The following RERE variants were observed in gnomAD, a reference collection of about 807,000 sequenced individuals.
RERE encodes arginine-glutamic acid dipeptide repeats.
A neutral mutation model predicts 146.1 loss-of-function variants in RERE; 40 were observed. That is an observed-to-expected ratio of 0.27 (90% confidence interval 0.21 to 0.36). The LOEUF (loss-of-function observed/expected upper bound fraction) is 0.36, where lower values mean the gene tolerates loss of function less well. Among genes scored for constraint, RERE ranks in the 10% least tolerant of loss-of-function variants. The probability of loss-of-function intolerance (pLI) is 1.00; values close to 1 mark genes in which losing one functional copy is unlikely to be tolerated. For missense variants in RERE, 1,933 were observed against 2,138.7 expected, an observed-to-expected ratio of 0.90 and a Z score of 1.90; for synonymous variants, 1,003 against 866.0, an observed-to-expected ratio of 1.16 and a Z score of -2.78.
chr1:8,459,557 C>T (rs1030188239), intron 11 of RERE, among the ~76,000 whole-genome samples: 1 of 152,258 alleles, frequency 6.6e-6, no homozygotes, highest in East Asian at 1.9e-4. Flanking sequence ...GTTATAATTT[C>T]TTTAGAAAGA....
chr1:8,373,123 C>T (rs74049620), intron 12 of RERE, among the ~76,000 whole-genome samples: 3,879 of 152,298 alleles, frequency 0.025, 179 homozygotes, highest in African/African-American at 0.089. Context: ...CATCCTTGTA[C>T]GCACCTGACC....
At chr1:8,735,599 C>T (rs1178440248) in intron 1 of RERE, among the ~76,000 whole-genome samples, 2 of 152,126 alleles carry the variant, frequency 1.3e-5, no homozygotes, top group African/African-American at 2.4e-5. Context: ...GGACTTGTGT[C>T]CCCACCCAAA....
intron 10 of RERE, among the ~76,000 whole-genome samples, chr1:8,482,290 A>C (rs1447202632): frequency 6.6e-6 from 1 of 152,196 alleles, no homozygotes; most frequent in Non-Finnish European, 1.5e-5. Flanking sequence ...GTTTAGGGAA[A>C]AGAAGAAAGT....
intron 11 of RERE, among the ~76,000 whole-genome samples, chr1:8,451,677 AC>A (rs1420801682): frequency 6.6e-6 from 1 of 152,058 alleles, no homozygotes; most frequent in Non-Finnish European, 1.5e-5. Flanking sequence ...AACGTCTCTC[AC>A]TAGGGGCATA....
intron 3 of RERE, 140 bp downstream of exon 3, chr1:8,624,170 T>C: frequency 1.5e-6 from 1 of 667,334 alleles, no homozygotes; most frequent in Non-Finnish European, 2.7e-6. Flanking sequence ...ATTTCAGTGC[T>C]ACTGCCACGA....
rs762843192 is a variant in RERE at position 8,364,083 on chromosome 1, G to A, written c.1713C>T (p.Ser571=). 2 of 1,614,054 alleles carry A rather than the reference G, an allele frequency of 1.2e-6. No homozygotes were observed. Among genetic ancestry groups the A allele is most frequent in the African/African-American group, 2.7e-5 (2 of 74,926 alleles). The part of the protein sequence containing the change: ...EEDDGLSGKH[S]MRTRRSRGSM... ...AGCCCCGACTCCGCCGTGTCCTCAT[G>A]CTATGCTTCCCACTGAGCCCATCAT... Residue 571 remains serine (S), a synonymous_variant, in exon 15 of 23, where the codon AGC becomes AGT. Coordinates refer to ENST00000400908, the MANE Select transcript of RERE (RefSeq NM_001042681.2). The surrounding 1 kb of genome is among the most constrained non-coding windows in gnomAD (Gnocchi z 5.1).
chr1:8,372,507 C>CGT (rs6143111), intron 12 of RERE, among the ~76,000 whole-genome samples: 2,660 of 131,800 alleles, frequency 0.02, 57 homozygotes, highest in African/African-American at 0.05. Flanking sequence ...ACCATCAGGT[C>CGT]GTGTGTGTGT....
intron 11 of RERE, among the ~76,000 whole-genome samples, chr1:8,440,451 C>T (rs931616770): frequency 1.3e-5 from 2 of 151,338 alleles, no homozygotes; most frequent in Non-Finnish European, 2.9e-5. Flanking sequence ...ATTAGCTGGG[C>T]GTGGTGGCGC....
At chr1:8,453,090 G>A (rs1168954619) in intron 11 of RERE, among the ~76,000 whole-genome samples, 1 of 152,178 alleles carries the variant, frequency 6.6e-6, no homozygotes, top group Non-Finnish European at 1.5e-5. Context: ...GGAGAGAGAG[G>A]AAGGGAATGT....
intron 7 of RERE, among the ~76,000 whole-genome samples, chr1:8,509,820 T>C (rs1645309662): frequency 1.3e-5 from 2 of 152,184 alleles, no homozygotes; most frequent in African/African-American, 2.4e-5. Context: ...CAAAACAGTG[T>C]CAAAGAAGAT....
intron 7 of RERE, among the ~76,000 whole-genome samples, chr1:8,529,593 C>A (rs886824431): frequency 2.0e-5 from 3 of 151,894 alleles, no homozygotes; most frequent in African/African-American, 7.3e-5. Context: ...AGCCACCACG[C>A]CCGGCCACAA....
intron 1 of RERE, among the ~76,000 whole-genome samples, chr1:8,728,396 TG>T (rs1640013722): frequency 6.6e-6 from 1 of 152,010 alleles, no homozygotes; most frequent in Non-Finnish European, 1.5e-5. Context: ...TTGCCTCAGC[TG>T]TTATAGTAAC....
chr1:8,514,775 A>G (rs574573773), intron 7 of RERE, among the ~76,000 whole-genome samples: 4 of 152,024 alleles, frequency 2.6e-5, no homozygotes, highest in Non-Finnish European at 5.9e-5. Context: ...CAAGACAAGA[A>G]AAGAAAAGAG....
chr1:8,519,233 CAAAA>C (rs1328640699), intron 7 of RERE, among the ~76,000 whole-genome samples: 1 of 151,932 alleles, frequency 6.6e-6, no homozygotes, highest in Non-Finnish European at 1.5e-5. Context: ...AACAAACAAA[CAAAA>C]AACCCAACCA....
At chr1:8,683,375 T>A (rs1639016859) in intron 1 of RERE, among the ~76,000 whole-genome samples, 1 of 152,018 alleles carries the variant, frequency 6.6e-6, no homozygotes, top group Admixed American at 6.6e-5. Flanking sequence ...CTTAGTAGAA[T>A]CTAATCATTC....
At chr1:8,468,120 C>A (rs1005241954) in intron 10 of RERE, among the ~76,000 whole-genome samples, 14 of 152,152 alleles carry the variant, frequency 9.2e-5, no homozygotes, top group Non-Finnish European at 5.9e-5. Flanking sequence ...AAAACACCTA[C>A]AACAATGATC....
intron 1 of RERE, chr1:8,799,227 C>A (rs984642861): frequency 6.6e-6 from 1 of 152,280 alleles, no homozygotes; most frequent in Non-Finnish European, 1.5e-5. Flanking sequence ...CTCCTGACCT[C>A]AGGTGGTCCA....
chr1:8,365,562 A>C (rs1022527686), intron 13 of RERE, among the ~76,000 whole-genome samples: 4 of 152,186 alleles, frequency 2.6e-5, no homozygotes, highest in African/African-American at 4.8e-5. Flanking sequence ...AAAACCTAAG[A>C]TGATGTTGAG....
At chr1:8,647,162 C>T (rs1647352240) in intron 2 of RERE, among the ~76,000 whole-genome samples, 2 of 152,212 alleles carry the variant, frequency 1.3e-5, no homozygotes, top group Admixed American at 6.5e-5. Flanking sequence ...CAACATACCT[C>T]TGTTGTTTAA....
Sources: allele counts gnomAD v4.1 joint callset (sites outside exome capture counted in the v4.1 genomes callset), GRCh38; gene constraint gnomAD v4.1.1; non-coding constraint Gnocchi (gnomAD v3.1); transcripts MANE v1.5; gene names NCBI Gene and HGNC (gene_info 2026-07-23, HGNC 2026-07-21).